Variants in RAPGEF6 observed in about 807,000 individuals in gnomAD.
RAPGEF6 encodes PDZ domain containing guanine nucleotide exchange factor (GEF) 2.
A neutral mutation model predicts 171.4 loss-of-function variants in RAPGEF6; 56 were observed. The observed-to-expected ratio is 0.33, with a 90% CI of 0.26 to 0.41. RAPGEF6 has a LOEUF of 0.41. RAPGEF6 is among the 10% of genes least tolerant of loss of function. RAPGEF6 has a pLI of 1.00. For missense variants in RAPGEF6, 1,674 were observed against 1,921.4 expected (o/e 0.87, Z 2.41); for synonymous variants, 692 against 650.1 (o/e 1.06, Z -0.98).
At chr5:131,536,408 T>A (rs1164318781) in intron 6 of RAPGEF6, among the ~76,000 whole-genome samples, 2 of 152,138 alleles carry the variant, frequency 1.3e-5, no homozygotes, top group Non-Finnish European at 2.9e-5. Flanking sequence ...TCAAACTGCA[T>A]ACCTATTCCT....
At chr5:131,608,383 T>C (rs996131662) in intron 1 of RAPGEF6, among the ~76,000 whole-genome samples, 2 of 152,200 alleles carry the variant, frequency 1.3e-5, no homozygotes, top group Non-Finnish European at 2.9e-5. Context: ...ACTTTACAAA[T>C]AGGTCTTCCT....
intron 6 of RAPGEF6, among the ~76,000 whole-genome samples, chr5:131,546,399 T>C (rs1430887670): frequency 6.6e-6 from 1 of 152,096 alleles, no homozygotes; most frequent in Non-Finnish European, 1.5e-5. Flanking sequence ...AGGCAGGAGA[T>C]CGAGACCATC....
rs769308011 is a variant in RAPGEF6 at position 131,489,658 on chromosome 5, A to G, written c.1732-4T>C. The G allele has an allele frequency of 1.4e-6, 2 of 1,458,954 alleles. No homozygotes were observed. Among genetic ancestry groups the G allele is most frequent in the Non-Finnish European group, 1.9e-6 (2 of 1,060,428 alleles). The allele number at this position is 1,458,954 out of a possible 1,614,324, so 90.4% of individuals were successfully genotyped here. ...TTTGTCCATTTACTTCCATAATCTTAAAAGTATTTAAAAAATACAAATTAA... is the reference window on the plus strand; with the variant it reads ...TTTGTCCATTTACTTCCATAATCTTGAAAGTATTTAAAAAATACAAATTAA... On this transcript the variant is annotated splice_region_variant and splice_polypyrimidine_tract_variant and intron_variant, in intron 14 of 27. Coordinates refer to ENST00000509018, the MANE Select transcript of RAPGEF6 (RefSeq NM_016340.6).
chr5:131,523,788 A>T (rs375309364), intron 6 of RAPGEF6, among the ~76,000 whole-genome samples: 3,329 of 74,636 alleles, frequency 0.045, 63 homozygotes, highest in Middle Eastern at 0.23. Context: ...TCCCAGCAAG[A>T]TAAAAAAACA....
intron 4 of RAPGEF6, among the ~76,000 whole-genome samples, chr5:131,590,915 C>T (rs980682624): frequency 2.6e-5 from 4 of 152,106 alleles, no homozygotes; most frequent in Non-Finnish European, 5.9e-5. Flanking sequence ...ATTCAGTTCT[C>T]AGGGACTAAC....
intron 1 of RAPGEF6, among the ~76,000 whole-genome samples, chr5:131,617,750 A>G (rs1329747742): frequency 6.6e-6 from 1 of 152,230 alleles, no homozygotes; most frequent in African/African-American, 2.4e-5. Context: ...AAAATTTTTA[A>G]ATGTTTATTA....
At chr5:131,595,859 T>C (rs1003561530) in intron 3 of RAPGEF6, among the ~76,000 whole-genome samples, 3 of 151,722 alleles carry the variant, frequency 2.0e-5, no homozygotes, top group African/African-American at 4.8e-5. Context: ...AGATTGAAAG[T>C]TAAGGGACAG....
intron 5 of RAPGEF6, among the ~76,000 whole-genome samples, chr5:131,556,937 T>C (rs543920132): frequency 6.6e-6 from 1 of 152,286 alleles, no homozygotes; most frequent in South Asian, 2.1e-4. Flanking sequence ...TTCTGCACAT[T>C]TGTTAAGTTT....
At chr5:131,507,306 C>T (rs914476584) in intron 9 of RAPGEF6, among the ~76,000 whole-genome samples, 1 of 151,616 alleles carries the variant, frequency 6.6e-6, no homozygotes, top group Non-Finnish European at 1.5e-5. Context: ...CTACACGTCT[C>T]CTCAGGTTAG....
intron 4 of RAPGEF6, among the ~76,000 whole-genome samples, chr5:131,581,776 T>C (rs1319118366): frequency 1.3e-5 from 2 of 152,182 alleles, no homozygotes; most frequent in Non-Finnish European, 2.9e-5. Flanking sequence ...CTTGTGATAA[T>C]GTACTTGGTG....
In RAPGEF6 at chr5:131,528,356, T is replaced by C. The variant is rs1322356273; in HGVS notation, c.496-6835A>G. ...ATATATATACACACACACACACATATATATATATGGCAGTATGGAGCCTGT... is the reference window on the plus strand; with the variant it reads ...ATATATATACACACACACACACATACATATATATGGCAGTATGGAGCCTGT... On this transcript the variant is annotated intron_variant, in intron 6 of 27. Transcript: ENST00000509018. Among the ~76,000 whole-genome samples, 11 of 120,288 alleles carry C rather than the reference T, an allele frequency of 9.1e-5. 1 individual carries two copies. Among genetic ancestry groups the C allele is most frequent in the African/African-American group, 3.4e-4 (11 of 32,104 alleles). The allele number at this position is 120,288 out of a possible 152,430, so 78.9% of individuals were successfully genotyped here.
chr5:131,610,207 C>T (rs989923796), intron 1 of RAPGEF6, among the ~76,000 whole-genome samples: 4 of 152,098 alleles, frequency 2.6e-5, no homozygotes, highest in African/African-American at 9.7e-5. Flanking sequence ...ATCATTATTC[C>T]CAATGAGCCA....
rs142963950 is a variant in RAPGEF6, at chr5:131,579,215, G to C, written c.281+13168C>G. Reference sequence around the variant, plus strand: ...TTCCTGCTGGTGGGTTCATGGTCTTGCTGGCCTCAGGAGTGAAGCTGCAGA... The same window carrying C: ...TTCCTGCTGGTGGGTTCATGGTCTTCCTGGCCTCAGGAGTGAAGCTGCAGA... On this transcript the variant is annotated intron_variant, in intron 4 of 27. Coordinates refer to ENST00000509018, the MANE Select transcript of RAPGEF6 (RefSeq NM_016340.6). Among the ~76,000 whole-genome samples, 684 of 152,294 alleles carry C rather than the reference G, an allele frequency of 4.5e-3. 5 individuals carry two copies. The highest frequency in any genetic ancestry group is 0.016 in the African/African-American group (646 of 41,550).
rs1033957037 is a variant in RAPGEF6, at chr5:131,446,778, T to C, written c.3201-75A>G. 19 of 1,340,854 alleles carry C rather than the reference T, an allele frequency of 1.4e-5. No individual in the cohort carries two copies. In the African/African-American group the frequency reaches 2.5e-4, roughly 18 times the overall value. 83.1% of individuals were successfully genotyped at this position (1,340,854 alleles called of 1,614,324 possible). A position where few individuals can be genotyped will look rare whatever the true frequency, so the allele number is the denominator to read the frequency against. ...GCATAGCAGATTGAAGATTAAAAGA[T>C]TTTGTTCTGTTAATGCTATTGCATG... is the stretch of plus-strand genomic sequence containing the variant. On this transcript the variant is annotated intron_variant, in intron 21 of 27. Transcript: ENST00000509018.
intron 25 of RAPGEF6, 91 bp from the exon 26 acceptor site, chr5:131,431,440 G>A: frequency 1.4e-6 from 2 of 1,386,008 alleles, no homozygotes; most frequent in Non-Finnish European, 1.9e-6. Flanking sequence ...AGAAACTACA[G>A]AGCACGTACC....
Position 131,428,946 on chromosome 5 carries a change from TGGA to T in RAPGEF6, c.4733_4735del (p.Phe1578_His1579delinsTyr). The T allele has an allele frequency of 6.2e-7, 1 of 1,614,202 alleles. No individual in the cohort carries two copies. ...ATCAGTCACATCTCCTAGTTTAGGATGGAATGGCTGCAAATTATGCCTCTGAGG... is the reference window on the plus strand; with the variant it reads ...ATCAGTCACATCTCCTAGTTTAGGATATGGCTGCAAATTATGCCTCTGAGG... On this transcript the variant is annotated inframe_deletion, in exon 27 of 28. Coordinates refer to ENST00000509018, the MANE Select transcript of RAPGEF6 (RefSeq NM_016340.6).
At chr5:131,448,650 CTG>C (rs1459078699) in intron 21 of RAPGEF6, among the ~76,000 whole-genome samples, 2 of 152,006 alleles carry the variant, frequency 1.3e-5, no homozygotes, top group African/African-American at 4.8e-5. Context: ...AATAAAAACA[CTG>C]TGATAAACGT....
intron 17 of RAPGEF6, among the ~76,000 whole-genome samples, chr5:131,471,141 T>A (rs1403741691): frequency 6.6e-6 from 1 of 152,246 alleles, no homozygotes; most frequent in Admixed American, 6.5e-5. Context: ...AACTGGAGTG[T>A]CTTCTGTCTC....
intron 20 of RAPGEF6, 80 bp from the exon 21 acceptor site, chr5:131,453,257 A>AT: frequency 6.8e-7 from 1 of 1,478,912 alleles, no homozygotes. Flanking sequence ...GGTAATCTTG[A>AT]GGGGCACAAA....
Sources: allele counts gnomAD v4.1 joint callset (sites outside exome capture counted in the v4.1 genomes callset), GRCh38; gene constraint gnomAD v4.1.1; transcripts MANE v1.5; gene names NCBI Gene and HGNC (gene_info 2026-07-23, HGNC 2026-07-21).